The following SPECC1L variants were observed in gnomAD, a reference collection of about 807,000 sequenced individuals.
SPECC1L encodes sperm antigen with calponin homology and coiled-coil domains 1 like.
Under a neutral mutation model 116.8 loss-of-function variants are expected in SPECC1L, and 40 were observed. The observed-to-expected ratio is 0.34, with a 90% confidence interval of 0.27 to 0.45. The LOEUF is 0.45. SPECC1L is among the 20% of genes least tolerant of loss of function. The pLI is 1.00. For synonymous variants in SPECC1L, 504 were observed against 500.6 expected (o/e 1.01, Z -0.09); for missense variants, 1,110 against 1,373.6 (o/e 0.81, Z 3.03).
intron 14 of SPECC1L, among the ~76,000 whole-genome samples, chr22:24,378,027 A>G (rs879343660): frequency 2.6e-5 from 4 of 152,254 alleles, no homozygotes; most frequent in Non-Finnish European, 5.9e-5. Flanking sequence ...TAGCTATGAA[A>G]GTCCTAGATG....
At chr22:24,385,214 A>T (rs924709443) in intron 14 of SPECC1L, among the ~76,000 whole-genome samples, 1 of 152,150 alleles carries the variant, frequency 6.6e-6, no homozygotes, top group African/African-American at 2.4e-5. Context: ...TTAAAATCAC[A>T]TATTAGCAAA....
intron 11 of SPECC1L, among the ~76,000 whole-genome samples, chr22:24,359,865 C>T (rs2041608625): frequency 1.3e-5 from 2 of 152,204 alleles, no homozygotes; most frequent in South Asian, 2.1e-4. Flanking sequence ...CCTGTTCTCC[C>T]CTCAAGACCA....
intron 10 of SPECC1L, among the ~76,000 whole-genome samples, chr22:24,345,079 T>TC (rs2041262557): frequency 6.6e-6 from 1 of 152,116 alleles, no homozygotes; most frequent in African/African-American, 2.4e-5. Context: ...ATTGTTGTGG[T>TC]CGGGGGGGTG....
intron 14 of SPECC1L, among the ~76,000 whole-genome samples, chr22:24,378,017 T>C (rs2042001716): frequency 1.3e-5 from 2 of 152,232 alleles, no homozygotes; most frequent in Non-Finnish European, 2.9e-5. Context: ...TTCTCCTCTG[T>C]AGCTATGAAA....
chr22:24,353,371 T>G (rs888410734), intron 11 of SPECC1L, among the ~76,000 whole-genome samples: 1 of 152,232 alleles, frequency 6.6e-6, no homozygotes, highest in East Asian at 1.9e-4. Context: ...GCAGAATGTC[T>G]CTCAGATGGG....
At position 24,330,434 on chromosome 22, in the gene SPECC1L, A is replaced by T; in HGVS notation, c.2396+3A>T. The stretch of plus-strand genomic sequence containing the variant: ...TTGGAGGAAATAAAGTCACGCAAGT[A>T]AGTTCTGAGAAACCTGTTGTGTACT... On this transcript the variant is annotated splice_donor_region_variant and intron_variant, in intron 8 of 16. Coordinates refer to ENST00000314328, the MANE Select transcript of SPECC1L (RefSeq NM_015330.6). 2 of 1,614,156 alleles carry T rather than the reference A, an allele frequency of 1.2e-6. No homozygotes were observed. Among genetic ancestry groups the T allele is most frequent in the Non-Finnish European group, 1.7e-6 (2 of 1,180,002 alleles).
At chr22:24,283,526 T>C (rs1382247990) in intron 2 of SPECC1L, among the ~76,000 whole-genome samples, 2 of 152,260 alleles carry the variant, frequency 1.3e-5, no homozygotes, top group African/African-American at 4.8e-5. Flanking sequence ...TCACGAGAGA[T>C]ATGGGTCTGT....
chr22:24,412,057 C>G (rs1202116200), intron 15 of SPECC1L: 4 of 403,440 alleles, frequency 9.9e-6, no homozygotes, highest in Non-Finnish European at 1.9e-5. Context: ...GGCCAGCCTC[C>G]TGCCACCTTG....
chr22:24,317,664 C>A (rs1478174441), intron 4 of SPECC1L, among the ~76,000 whole-genome samples: 1 of 151,790 alleles, frequency 6.6e-6, no homozygotes, highest in Admixed American at 6.6e-5. Flanking sequence ...GGGGGGCTGA[C>A]CCCCCCATCT....
At chr22:24,384,164 TGG>T (rs1357680757) in intron 14 of SPECC1L, among the ~76,000 whole-genome samples, 4 of 151,512 alleles carry the variant, frequency 2.6e-5, no homozygotes, top group African/African-American at 9.7e-5. Context: ...CACATACAAT[TGG>T]GTTATACCAA....
intron 14 of SPECC1L, among the ~76,000 whole-genome samples, chr22:24,383,137 CAAA>C (rs2042092814): frequency 6.6e-6 from 1 of 152,194 alleles, no homozygotes; most frequent in Admixed American, 6.5e-5. Flanking sequence ...TTATGTCCTA[CAAA>C]TAAAGGTTGA....
chr22:24,393,203 G>C (rs1033257771), intron 14 of SPECC1L, among the ~76,000 whole-genome samples: 1 of 152,216 alleles, frequency 6.6e-6, no homozygotes, highest in Non-Finnish European at 1.5e-5. Flanking sequence ...AATTTAATCT[G>C]CCACAGAGAC....
intron 6 of SPECC1L, among the ~76,000 whole-genome samples, chr22:24,325,524 C>A (rs1044391517): frequency 2.0e-5 from 3 of 150,312 alleles, no homozygotes; most frequent in Non-Finnish European, 4.4e-5. Flanking sequence ...GCCACTTTCC[C>A]TTTTACTTAA....
chr22:24,338,835 AG>A (rs1479815362), intron 10 of SPECC1L, among the ~76,000 whole-genome samples: 4 of 152,146 alleles, frequency 2.6e-5, no homozygotes, highest in Non-Finnish European at 5.9e-5. Flanking sequence ...AGGCCCAGAA[AG>A]GTTAAGTAAC....
intron 2 of SPECC1L, among the ~76,000 whole-genome samples, chr22:24,281,601 A>G (rs1601488189): frequency 1.3e-5 from 2 of 152,276 alleles, no homozygotes; most frequent in Admixed American, 1.3e-4. Flanking sequence ...CCCATTATTC[A>G]TTGCTAATAT....
At chr22:24,307,375 T>C (rs1284645133) in intron 3 of SPECC1L, among the ~76,000 whole-genome samples, 2 of 152,204 alleles carry the variant, frequency 1.3e-5, no homozygotes, top group East Asian at 3.8e-4. Flanking sequence ...TGCACTGATT[T>C]GTGGTTCTTT....
At chr22:24,343,188 C>T (rs2041214765) in intron 10 of SPECC1L, among the ~76,000 whole-genome samples, 1 of 151,998 alleles carries the variant, frequency 6.6e-6, no homozygotes, top group Admixed American at 6.6e-5. Context: ...AGGGAGACTC[C>T]ATCTTAAAAA....
At chr22:24,283,667 T>C (rs143203085) in intron 2 of SPECC1L, among the ~76,000 whole-genome samples, 1,645 of 152,330 alleles carry the variant, frequency 0.011, 28 homozygotes, top group African/African-American at 0.036. Context: ...ATTTCTTCTT[T>C]AGTGGAATTC....
At chr22:24,397,645 T>C (rs747325428) in intron 14 of SPECC1L, among the ~76,000 whole-genome samples, 3 of 152,230 alleles carry the variant, frequency 2.0e-5, no homozygotes, top group Non-Finnish European at 4.4e-5. Flanking sequence ...TAAAATCCTA[T>C]AGTCTCAGTT....
Sources: gnomAD v4.1 joint callset for allele counts (sites outside exome capture counted in the v4.1 genomes callset) on GRCh38, gnomAD v4.1.1 for gene constraint, MANE v1.5 for transcripts, NCBI Gene and HGNC (gene_info 2026-07-23, HGNC 2026-07-21) for gene names.